The following UBR3 variants were observed in gnomAD, a reference collection of about 807,000 sequenced individuals.
UBR3 encodes the protein ubiquitin protein ligase E3 component n-recognin 3, also known as E3 ubiquitin-protein ligase UBR3.
In UBR3, 85 loss-of-function variants were observed where a neutral mutation model predicts 243.2. That is an observed-to-expected ratio of 0.35 (90% CI 0.29 to 0.42). UBR3 has a LOEUF of 0.42. Ranked by LOEUF, UBR3 falls within the 10% of genes least tolerant of loss-of-function variation. The pLI is 1.00. For synonymous variants in UBR3, 748 were observed against 799.8 expected, an observed-to-expected ratio of 0.94 and a Z score of 1.09; for missense variants, 1,686 against 2,300.8, an observed-to-expected ratio of 0.73 and a Z score of 5.47.
Position 169,942,384 on chromosome 2 carries a change from T to G in UBR3, c.2664-109T>G, listed in dbSNP as rs190797501. On this transcript the variant is annotated intron_variant, in intron 19 of 38. Transcript: ENST00000272793. Reference sequence around the variant, plus strand: ...GCATTTTAAGCAATTTGATTAAAAATAGCACTGCATAAAATATTGTGACAG... The same window carrying G: ...GCATTTTAAGCAATTTGATTAAAAAGAGCACTGCATAAAATATTGTGACAG... 5 of 1,082,102 alleles carry G rather than the reference T, an allele frequency of 4.6e-6. 1 individual carries two copies. Among genetic ancestry groups the G allele is most frequent in the Non-Finnish European group, 6.4e-6 (5 of 779,682 alleles). 67.0% of individuals were successfully genotyped at this position (1,082,102 alleles called of 1,614,324 possible).
At chr2:169,922,913 C>T (rs1478441557) in intron 11 of UBR3, among the ~76,000 whole-genome samples, 5 of 152,066 alleles carry the variant, frequency 3.3e-5, no homozygotes, top group African/African-American at 1.2e-4. Flanking sequence ...CATATTTAGA[C>T]TCCTTATAAC....
intron 29 of UBR3, among the ~76,000 whole-genome samples, chr2:170,011,862 TG>T (rs2090093803): frequency 6.6e-6 from 1 of 152,032 alleles, no homozygotes; most frequent in Non-Finnish European, 1.5e-5. Flanking sequence ...GAAACCAAAT[TG>T]GGGGGAAGAA....
intron 1 of UBR3, among the ~76,000 whole-genome samples, chr2:169,840,221 G>A (rs2082245820): frequency 6.6e-6 from 1 of 152,206 alleles, no homozygotes; most frequent in Non-Finnish European, 1.5e-5. Context: ...CCTGAAGTTT[G>A]GCAGTTACTC....
intron 35 of UBR3, among the ~76,000 whole-genome samples, chr2:170,063,724 A>G (rs764597477): frequency 3.3e-5 from 5 of 152,126 alleles, no homozygotes; most frequent in Non-Finnish European, 5.9e-5. Context: ...TCATCTTCCA[A>G]TATATTTTTC....
chr2:169,988,762 C>G (rs1484483288), intron 25 of UBR3, among the ~76,000 whole-genome samples: 1 of 151,998 alleles, frequency 6.6e-6, no homozygotes, highest in African/African-American at 2.4e-5. Context: ...AGATTGCACT[C>G]TAGCCTGCGT....
rs573636038 is a variant in UBR3, at chr2:169,842,641, G to A, written c.545+14589G>A. On this transcript the variant is annotated intron_variant, in intron 1 of 38. Coordinates refer to ENST00000272793, the MANE Select transcript of UBR3 (RefSeq NM_172070.4). ...AGGAACGAACAACTCCAGACGCGCT[G>A]CCTTAAGAGCTGTAACACTCACCGT... is the stretch of plus-strand genomic sequence containing the variant. Among the ~76,000 whole-genome samples the A allele has an allele frequency of 2.2e-4, 34 of 151,898 alleles. No homozygotes were observed. In the South Asian group the frequency reaches 7.1e-3, roughly 32 times the overall value.
rs1213295798 is a variant in UBR3, at chr2:169,836,061, ATATATATTTT to A, written c.545+8011_545+8020del. ...TCTCTCTCTATATATATATATATAT[ATATATATTTT>A]TTTTTTTTTTTTTTTTTTTTTTGAG... On this transcript the variant is annotated intron_variant, in intron 1 of 38. Transcript: ENST00000272793. Among the ~76,000 whole-genome samples the A allele has an allele frequency of 1.7e-3, 59 of 33,988 alleles. 2 individuals are homozygous for A. The highest frequency in any genetic ancestry group is 2.8e-3 in the Non-Finnish European group (43 of 15,540). The allele number at this position is 33,988 out of a possible 152,430, so 22.3% of individuals were successfully genotyped here.
intron 19 of UBR3, among the ~76,000 whole-genome samples, chr2:169,938,354 T>TGTGGG (rs1213736345): frequency 1.3e-5 from 2 of 151,756 alleles, no homozygotes; most frequent in Non-Finnish European, 2.9e-5. Context: ...CCTTGGGCCT[T>TGTGGG]CCCAGGCTCA....
chr2:170,001,461 G>A (rs775418920), intron 27 of UBR3, 47 bp downstream of exon 27: 1 of 1,195,464 alleles, frequency 8.4e-7, no homozygotes, highest in East Asian at 2.3e-5. Context: ...ATCTTTCCAG[G>A]TATTAAATCT....
chr2:170,059,128 C>T (rs770114841), intron 33 of UBR3, among the ~76,000 whole-genome samples: 1 of 152,040 alleles, frequency 6.6e-6, no homozygotes, highest in Non-Finnish European at 1.5e-5. Context: ...TCAAAGATTG[C>T]CTATATAAAA....
chr2:169,832,751 T>C (rs2081979224), intron 1 of UBR3, among the ~76,000 whole-genome samples: 1 of 151,794 alleles, frequency 6.6e-6, no homozygotes, highest in Non-Finnish European at 1.5e-5. Flanking sequence ...CCTGACCACA[T>C]GGAGAAACCC....
intron 32 of UBR3, among the ~76,000 whole-genome samples, chr2:170,054,124 A>T (rs976339921): frequency 2.6e-5 from 4 of 152,056 alleles, no homozygotes; most frequent in African/African-American, 7.2e-5. Flanking sequence ...TAAGTTTTTT[A>T]TTTTTATTTT....
At chr2:169,933,948 C>G (rs755429367) in intron 19 of UBR3, among the ~76,000 whole-genome samples, 2 of 152,180 alleles carry the variant, frequency 1.3e-5, no homozygotes, top group Non-Finnish European at 2.9e-5. Context: ...TTTCTCTAAA[C>G]CCTTGGAGAA....
chr2:169,975,390 A>G (rs1465618073), intron 24 of UBR3, among the ~76,000 whole-genome samples: 3 of 152,186 alleles, frequency 2.0e-5, no homozygotes, highest in African/African-American at 7.2e-5. Context: ...TATCCTGGAA[A>G]ATGTTCCATG....
In UBR3 at chr2:169,950,030, T is replaced by G. The variant is rs765604382; in HGVS notation, c.3510T>G (p.Thr1170=). 6.3e-7 allele frequency: 1 copy of G among 1,580,110 alleles called. No individual in the cohort carries two copies. The highest frequency in any genetic ancestry group is 2.2e-5 in the East Asian group (1 of 44,554). ...VTPPVPPKKV[T]AAEKKTLDKE... is the part of the protein sequence containing the mutation. Reference sequence around the variant, plus strand: ...CTCCTGTACCACCTAAAAAAGTCACTGCAGCAGAGAAGAAAACATTGGACA... The same window carrying G: ...CTCCTGTACCACCTAAAAAAGTCACGGCAGCAGAGAAGAAAACATTGGACA... The change falls in exon 23 of 39, where the codon ACT becomes ACG. Residue 1170 remains threonine (T), a synonymous_variant. Transcript: ENST00000272793.
At chr2:169,896,773 A>G in intron 8 of UBR3, 38 bp downstream of exon 8, 3 of 1,409,442 alleles carry the variant, frequency 2.1e-6, no homozygotes, top group South Asian at 1.4e-5. Flanking sequence ...TATTATTATC[A>G]GTATTATTAT....
intron 27 of UBR3, among the ~76,000 whole-genome samples, chr2:170,001,939 A>AAAAAAAAAAAAAAAAAAAAAAAAAAG: frequency 8.6e-6 from 1 of 116,216 alleles, no homozygotes; most frequent in Non-Finnish European, 1.7e-5. Context: ...AAAAAAAAAA[A>AAAAAAAAAAAAAAAAAAAAAAAAAAG]AAAGAAAGAA....
At chr2:169,915,126 C>T (rs1287568714) in intron 11 of UBR3, among the ~76,000 whole-genome samples, 1 of 151,894 alleles carries the variant, frequency 6.6e-6, no homozygotes, top group Non-Finnish European at 1.5e-5. Flanking sequence ...ACCAGTTGTC[C>T]CATGATACCT....
intron 24 of UBR3, among the ~76,000 whole-genome samples, chr2:169,967,639 C>A (rs981299273): frequency 1.3e-5 from 2 of 152,064 alleles, no homozygotes; most frequent in African/African-American, 4.8e-5. Flanking sequence ...CAGCATCTTA[C>A]ATTAAGATTT....
Sources: allele counts gnomAD v4.1 joint callset (sites outside exome capture counted in the v4.1 genomes callset), GRCh38; gene constraint gnomAD v4.1.1; transcripts MANE v1.5; gene names NCBI Gene and HGNC (gene_info 2026-07-23, HGNC 2026-07-21).